ZNF680: variants seen among roughly 807,000 people sequenced by gnomAD.
The protein encoded by ZNF680 is zinc finger protein 680, also known as hypothetical protein FLJ90430.
In ZNF680, 6 loss-of-function variants were observed where a neutral mutation model predicts 12.1. The observed-to-expected ratio is 0.49, with a 90% CI of 0.27 to 0.98. The LOEUF (loss-of-function observed/expected upper bound fraction) is 0.98, where lower values mean the gene tolerates loss of function less well. Among genes scored for constraint, ZNF680 ranks in the 50% least tolerant of loss-of-function variants. The probability of loss-of-function intolerance (pLI) is 0.12; values close to 1 mark genes in which losing one functional copy is unlikely to be tolerated. For synonymous variants in ZNF680, 170 were observed against 199.3 expected, an observed-to-expected ratio of 0.85 and a Z score of 1.24; for missense variants, 561 against 616.3, an observed-to-expected ratio of 0.91 and a Z score of 0.95.
chr7:64,529,122 G>C (rs906538879), intron 3 of ZNF680, among the ~76,000 whole-genome samples: 111 of 152,232 alleles, frequency 7.3e-4, no homozygotes, highest in African/African-American at 2.5e-3. Context: ...ACAGGAAAAG[G>C]GTAGAATACC....
chr7:64,527,311 C>G (rs1791914640), intron 3 of ZNF680, among the ~76,000 whole-genome samples: 1 of 152,068 alleles, frequency 6.6e-6, no homozygotes, highest in Admixed American at 6.6e-5. Flanking sequence ...AACATATCTA[C>G]AAGAAACACA....
chr7:64,527,840 AGTGT>A (rs1257431358), intron 3 of ZNF680, among the ~76,000 whole-genome samples: 6 of 152,226 alleles, frequency 3.9e-5, no homozygotes, highest in African/African-American at 1.4e-4. Flanking sequence ...CGAACAAAGC[AGTGT>A]GTGAAGGCTT....
chr7:64,546,746 AAT>A (rs1290315175), intron 1 of ZNF680, among the ~76,000 whole-genome samples: 11 of 152,098 alleles, frequency 7.2e-5, no homozygotes, highest in Admixed American at 5.2e-4. Context: ...CCATCTCTTA[AAT>A]ATATGTTTCT....
chr7:64,557,841 G>A (rs1390635597), intron 1 of ZNF680, among the ~76,000 whole-genome samples: 1 of 152,208 alleles, frequency 6.6e-6, no homozygotes, highest in Non-Finnish European at 1.5e-5. Context: ...AGGAAAAACA[G>A]ACACAGGCCT....
At chr7:64,527,217 A>G (rs1200981344) in intron 3 of ZNF680, among the ~76,000 whole-genome samples, 1 of 152,130 alleles carries the variant, frequency 6.6e-6, no homozygotes, top group Non-Finnish European at 1.5e-5. Context: ...CAGCCTGGGC[A>G]ATAAGAGCAA....
intron 3 of ZNF680, among the ~76,000 whole-genome samples, chr7:64,528,456 GT>G (rs1785680304): frequency 2.0e-5 from 3 of 152,166 alleles, no homozygotes; most frequent in Admixed American, 1.3e-4. Context: ...TGCTAACTGC[GT>G]GAAAACAGTC....
chr7:64,500,920 T>A, the ZNF680 span: 20 of 613,956 alleles, frequency 3.3e-5, no homozygotes, highest in Non-Finnish European at 5.0e-5. Flanking sequence ...AGAAGTGTGA[T>A]GTGGAGGCAA....
At chr7:64,501,993 A>ATTTC in the ZNF680 span, among the ~76,000 whole-genome samples, 1 of 96,378 alleles carries the variant, frequency 1.0e-5, no homozygotes, top group African/African-American at 4.5e-5. Flanking sequence ...AAAAGGACGT[A>ATTTC]TTTCTTTTTT....
intron 3 of ZNF680, among the ~76,000 whole-genome samples, chr7:64,528,928 C>T (rs1001393862): frequency 2.0e-5 from 3 of 152,132 alleles, no homozygotes; most frequent in South Asian, 2.1e-4. Context: ...ATTTCACCCC[C>T]GCTACCACCT....
the ZNF680 span, among the ~76,000 whole-genome samples, chr7:64,508,929 G>C: frequency 6.6e-6 from 1 of 152,122 alleles, no homozygotes; most frequent in Non-Finnish European, 1.5e-5. Context: ...CTTGAGATAG[G>C]GGGACTTTGG....
intron 1 of ZNF680, among the ~76,000 whole-genome samples, chr7:64,558,134 G>A (rs1323110400): frequency 6.6e-6 from 1 of 152,190 alleles, no homozygotes; most frequent in African/African-American, 2.4e-5. Flanking sequence ...GTCCGGGCAG[G>A]CAGATGAGAT....
At chr7:64,551,070 C>G (rs1787050146) in intron 1 of ZNF680, among the ~76,000 whole-genome samples, 1 of 152,128 alleles carries the variant, frequency 6.6e-6, no homozygotes, top group Admixed American at 6.6e-5. Context: ...CCATAATTAG[C>G]CCATGAGTAG....
Position 64,521,840 on chromosome 7 carries a change from C to G in ZNF680, c.914G>C (p.Trp305Ser). 1 of 1,612,524 alleles carries G rather than the reference C, an allele frequency of 6.2e-7. No homozygotes were observed. Among genetic ancestry groups the G allele is most frequent in the Non-Finnish European group, 8.5e-7 (1 of 1,179,480 alleles). ...KCDECHKAFN[W>S]FATLTNHKRI... is the part of the protein sequence containing the mutation. ...CTTATGGTTAGTAAGGGTTGCAAACCAGTTAAAGGCTTTGTGACATTCATC... is the reference window on the plus strand; with the variant it reads ...CTTATGGTTAGTAAGGGTTGCAAACGAGTTAAAGGCTTTGTGACATTCATC... The change falls in exon 4 of 4, where the codon TGG becomes TCG. Residue 305 changes from tryptophan to serine, a missense_variant. Transcript: ENST00000309683.
At chr7:64,557,746 G>A (rs765777649) in intron 1 of ZNF680, among the ~76,000 whole-genome samples, 6 of 152,190 alleles carry the variant, frequency 3.9e-5, no homozygotes, top group East Asian at 1.9e-4. Context: ...AAAATTAGCC[G>A]GCTGTGGTTG....
chr7:64,538,745 G>A (rs1786315331), intron 3 of ZNF680, among the ~76,000 whole-genome samples: 1 of 152,138 alleles, frequency 6.6e-6, no homozygotes, highest in Non-Finnish European at 1.5e-5. Flanking sequence ...ATTAAATACA[G>A]CAATCCCACT....
At chr7:64,554,332 G>A (rs1787275587) in intron 1 of ZNF680, among the ~76,000 whole-genome samples, 1 of 152,066 alleles carries the variant, frequency 6.6e-6, no homozygotes, top group Non-Finnish European at 1.5e-5. Flanking sequence ...TGGGAAGTGA[G>A]GAGCTCCTCC....
chr7:64,543,931 A>C, intron 2 of ZNF680, 129 bp from the exon 3 acceptor site: 1 of 789,714 alleles, frequency 1.3e-6, no homozygotes, highest in South Asian at 1.9e-5. Flanking sequence ...AATTTATAAC[A>C]GACATTTCTA....
intron 3 of ZNF680, among the ~76,000 whole-genome samples, chr7:64,522,979 A>G (rs1791626513): frequency 6.6e-6 from 1 of 152,072 alleles, no homozygotes; most frequent in African/African-American, 2.4e-5. Flanking sequence ...CTGAAAAAGT[A>G]TATTGGCACT....
intron 1 of ZNF680, among the ~76,000 whole-genome samples, chr7:64,553,268 C>A (rs1338888064): frequency 2.0e-5 from 3 of 151,930 alleles, no homozygotes; most frequent in Admixed American, 6.6e-5. Context: ...TTTAGCTACA[C>A]CTAGATTAAT....
Sources: allele counts gnomAD v4.1 joint callset (sites outside exome capture counted in the v4.1 genomes callset), GRCh38; gene constraint gnomAD v4.1.1; transcripts MANE v1.5; gene names NCBI Gene and HGNC (gene_info 2026-07-23, HGNC 2026-07-21).